The following JAK1 variants were observed in gnomAD, a reference collection of about 807,000 sequenced individuals.
JAK1 encodes the protein Janus kinase 1, also known as tyrosine-protein kinase JAK1.
JAK1 carries 16 observed loss-of-function variants against 136.6 expected under a neutral mutation model. That is an observed-to-expected ratio of 0.12 (90% CI 0.08 to 0.18). The LOEUF (loss-of-function observed/expected upper bound fraction) is 0.18. Ranked by LOEUF, JAK1 falls within the 10% of genes least tolerant of loss-of-function variation. JAK1 has a pLI of 1.00. For missense variants in JAK1, 859 were observed against 1,450.1 expected (o/e 0.59, Z 6.62); for synonymous variants, 492 against 519.5 (o/e 0.95, Z 0.72).
chr1:64,943,233 T>C (rs1048548931), intron 1 of JAK1, among the ~76,000 whole-genome samples: 1 of 152,188 alleles, frequency 6.6e-6, no homozygotes, highest in Admixed American at 6.5e-5. Flanking sequence ...TGGTTCAGAA[T>C]TGATACCTAT....
At chr1:65,051,400 T>C (rs1647280252) in intron 1 of JAK1, among the ~76,000 whole-genome samples, 1 of 152,166 alleles carries the variant, frequency 6.6e-6, no homozygotes, top group Non-Finnish European at 1.5e-5. Context: ...GGATCTAAGC[T>C]TCTACACTAC....
rs569664566 is a variant in JAK1, at chr1:64,864,640, G to A, written c.1176+147C>T. Reference sequence around the variant, plus strand: ...AACTTTAAAACACTGAGAATGCCTTGGTAATAGGAACTTTTTGGCTTCAAT... The same window carrying A: ...AACTTTAAAACACTGAGAATGCCTTAGTAATAGGAACTTTTTGGCTTCAAT... On this transcript the variant is annotated intron_variant, in intron 8 of 24. Coordinates refer to ENST00000342505, the MANE Select transcript of JAK1 (RefSeq NM_002227.4). The A allele has an allele frequency of 1.8e-5, 11 of 620,142 alleles. No individual in the cohort carries two copies. In the African/African-American group the frequency reaches 2.0e-4, roughly 11 times the overall value. The allele number at this position is 620,142 out of a possible 1,614,324, so 38.4% of individuals were successfully genotyped here.
intron 1 of JAK1, chr1:65,067,534 C>A (rs2100909768): frequency 6.9e-6 from 1 of 145,540 alleles, no homozygotes; most frequent in South Asian, 1.8e-4. Flanking sequence ...CCCACGCAGC[C>A]CGCCTCCCGC....
At chr1:65,025,783 T>C (rs922738823) in intron 2 of JAK1, among the ~76,000 whole-genome samples, 2 of 152,120 alleles carry the variant, frequency 1.3e-5, no homozygotes, top group African/African-American at 4.8e-5. Context: ...GCTCAAGAAA[T>C]GCTTCCAGCT....
chr1:64,973,321 GGGAGGGAA>G (rs1025384030), intron 2 of JAK1, among the ~76,000 whole-genome samples: 1 of 145,808 alleles, frequency 6.9e-6, no homozygotes, highest in Non-Finnish European at 1.5e-5. Flanking sequence ...AAGGAAGGAA[GGGAGGGAA>G]GGAGGGAGGG....
At chr1:64,861,785 T>C (rs562768152) in intron 8 of JAK1, among the ~76,000 whole-genome samples, 1 of 152,058 alleles carries the variant, frequency 6.6e-6, no homozygotes, top group South Asian at 2.1e-4. Context: ...GAGGGCAGGG[T>C]CACCATAGGA....
chr1:64,988,850 C>G (rs929403194), intron 2 of JAK1, among the ~76,000 whole-genome samples: 1 of 151,532 alleles, frequency 6.6e-6, no homozygotes, highest in Non-Finnish European at 1.5e-5. Context: ...GATCTTGACA[C>G]TGCACTGAAG....
chr1:65,027,476 G>T (rs1569904489), intron 2 of JAK1, among the ~76,000 whole-genome samples: 1 of 152,106 alleles, frequency 6.6e-6, no homozygotes, highest in African/African-American at 2.4e-5. Context: ...ATGTATTTTT[G>T]TTCCGCTTCC....
intron 1 of JAK1, among the ~76,000 whole-genome samples, chr1:64,928,778 C>CAAAAAAAATTAAAAAAAAAA (rs1645627169): frequency 1.6e-5 from 1 of 61,126 alleles, no homozygotes. Flanking sequence ...TAAAACTCTG[C>CAAAAAAAATTAAAAAAAAAA]AAAAAAAAAA....
intron 24 of JAK1, among the ~76,000 whole-genome samples, 172 bp from the exon 25 acceptor site, chr1:64,834,829 C>G (rs1654369746): frequency 6.6e-6 from 1 of 152,156 alleles, no homozygotes; most frequent in Admixed American, 6.5e-5. Context: ...GGATACAACT[C>G]TAGTTCATAA....
At chr1:64,987,154 T>G (rs953569109) in intron 2 of JAK1, 2 of 152,210 alleles carry the variant, frequency 1.3e-5, no homozygotes, top group African/African-American at 4.8e-5. Context: ...TTCCTCAAGG[T>G]AGGCAGAATT....
chr1:64,838,613 G>T, intron 20 of JAK1, 24 bp from the exon 21 acceptor site: 1 of 1,609,874 alleles, frequency 6.2e-7, no homozygotes, highest in Non-Finnish European at 8.5e-7. Context: ...ACATCCATCA[G>T]TCTGAGGCTG....
intron 1 of JAK1, among the ~76,000 whole-genome samples, chr1:64,913,709 G>GGAAGGAAAGAAAGA (rs1366602255): frequency 4.7e-5 from 1 of 21,164 alleles, no homozygotes; most frequent in Admixed American, 4.5e-4. Context: ...GGAAAGAAGG[G>GGAAGGAAAGAAAGA]AGGGAGGGAG....
chr1:64,864,404 G>A (rs1280549845), intron 8 of JAK1, among the ~76,000 whole-genome samples: 2 of 152,274 alleles, frequency 1.3e-5, no homozygotes, highest in Non-Finnish European at 2.9e-5. Flanking sequence ...TGAGGGCAAC[G>A]TGGGGCTTCC....
intron 1 of JAK1, among the ~76,000 whole-genome samples, chr1:65,061,383 C>A (rs1463356473): frequency 6.6e-6 from 1 of 152,052 alleles, no homozygotes; most frequent in Non-Finnish European, 1.5e-5. Flanking sequence ...TGACAAAGAC[C>A]TTTTCTCAAG....
chr1:64,843,108 A>G (rs530557765), intron 17 of JAK1, among the ~76,000 whole-genome samples: 20 of 152,198 alleles, frequency 1.3e-4, no homozygotes, highest in African/African-American at 4.6e-4. Flanking sequence ...ACCCCCAGTA[A>G]AATGTAGGTT....
chr1:64,948,658 A>G lies in JAK1; in HGVS notation c.-78+17675T>C, dbSNP rs189421735. ...GCTTCTCTCTTCATCATGAAAGATT[A>G]GCAGCCAGTAATTTAATCATAACAG... is the stretch of plus-strand genomic sequence containing the variant. On this transcript the variant is annotated intron_variant, in intron 1 of 24. Coordinates refer to ENST00000342505, the MANE Select transcript of JAK1 (RefSeq NM_002227.4). Among the ~76,000 whole-genome samples, 53 of 152,380 alleles carry G rather than the reference A, an allele frequency of 3.5e-4. 1 individual carries two copies. Among genetic ancestry groups the G allele is most frequent in the Admixed American group, 5.9e-4 (9 of 15,314 alleles).
chr1:65,063,649 C>CA (rs1377241862), intron 1 of JAK1, among the ~76,000 whole-genome samples: 4 of 151,616 alleles, frequency 2.6e-5, no homozygotes, highest in Non-Finnish European at 5.9e-5. Context: ...ACTAAAAATA[C>CA]AAAAAATCTG....
At chr1:64,869,252 G>A in intron 6 of JAK1, 59 bp downstream of exon 6, 1 of 1,514,214 alleles carries the variant, frequency 6.6e-7, no homozygotes, top group Admixed American at 1.7e-5. Context: ...AAATGTGTAA[G>A]AACATGTAGA....
Sources: gnomAD v4.1 joint callset for allele counts (sites outside exome capture counted in the v4.1 genomes callset) on GRCh38, gnomAD v4.1.1 for gene constraint, MANE v1.5 for transcripts, NCBI Gene and HGNC (gene_info 2026-07-23, HGNC 2026-07-21) for gene names.